WDR19: variants seen among roughly 807,000 people sequenced by gnomAD.
WDR19 encodes the protein WD repeat domain 19, also known as WD repeat-containing protein 19.
A neutral mutation model predicts 180.0 loss-of-function variants in WDR19; 121 were observed. The ratio of observed to expected loss-of-function variants is 0.67; its 90% confidence interval spans 0.58 to 0.78. The LOEUF (loss-of-function observed/expected upper bound fraction) is 0.78, where lower values mean the gene tolerates loss of function less well. Among genes scored for constraint, WDR19 ranks in the 30% least tolerant of loss-of-function variants. The pLI is 0.00. For missense variants in WDR19, 1,450 were observed against 1,640.7 expected (o/e 0.88, Z 2.01); for synonymous variants, 497 against 540.7 (o/e 0.92, Z 1.12).
intron 15 of WDR19, 91 bp downstream of exon 15, chr4:39,225,124 T>C (rs1335140828): frequency 2.0e-6 from 2 of 1,011,766 alleles, no homozygotes; most frequent in African/African-American, 1.7e-5. Flanking sequence ...AAATTTTCTA[T>C]TAATTAGTGC....
At chr4:39,279,800 C>G (rs908664810) in intron 36 of WDR19, among the ~76,000 whole-genome samples, 2 of 149,720 alleles carry the variant, frequency 1.3e-5, no homozygotes, top group Non-Finnish European at 3.0e-5. Flanking sequence ...CTCCCAGATT[C>G]TAGTGATTCT....
In WDR19 at chr4:39,196,467, C is replaced by G. The variant is rs145466307; in HGVS notation, c.406+1808C>G. On this transcript the variant is annotated intron_variant, in intron 5 of 36. Coordinates refer to ENST00000399820, the MANE Select transcript of WDR19 (RefSeq NM_025132.4). ...GGCCAATGTTTAGGGCCATCCTTGACTCTTTTCTTTCTCATACTCTCCATA... is the reference window on the plus strand; with the variant it reads ...GGCCAATGTTTAGGGCCATCCTTGAGTCTTTTCTTTCTCATACTCTCCATA... Among the ~76,000 whole-genome samples the G allele has an allele frequency of 2.6e-5, 4 of 152,318 alleles. No individual in the cohort carries two copies. The East Asian group carries it at 7.7e-4, about 29-fold the overall frequency.
intron 30 of WDR19, among the ~76,000 whole-genome samples, chr4:39,269,162 G>A (rs1021328532): frequency 3.0e-4 from 46 of 152,202 alleles, no homozygotes; most frequent in African/African-American, 7.9e-4. Flanking sequence ...AGAAAGGAGC[G>A]CAGAGGCCGA....
intron 21 of WDR19, 41 bp downstream of exon 21, chr4:39,240,375 G>T: frequency 8.1e-7 from 1 of 1,240,562 alleles, no homozygotes; most frequent in Non-Finnish European, 1.1e-6. Flanking sequence ...ATTATGTCTG[G>T]GTTTGTTTTC....
intron 3 of WDR19, among the ~76,000 whole-genome samples, chr4:39,189,026 G>T (rs1049886044): frequency 6.6e-6 from 1 of 151,920 alleles, no homozygotes; most frequent in African/African-American, 2.4e-5. Context: ...AGGTTCAAGC[G>T]ATTCTCCTGC....
chr4:39,200,764 CCA>C (rs1310018786), intron 6 of WDR19, among the ~76,000 whole-genome samples: 2 of 152,122 alleles, frequency 1.3e-5, no homozygotes, highest in Non-Finnish European at 2.9e-5. Flanking sequence ...GGGATGGGGA[CCA>C]CACAGGCATA....
chr4:39,280,153 G>A (rs1301728905), intron 36 of WDR19, among the ~76,000 whole-genome samples: 1 of 91,416 alleles, frequency 1.1e-5, no homozygotes, highest in African/African-American at 3.2e-5. Flanking sequence ...ATAGAGGCAG[G>A]GTCTCGCCAC....
At chr4:39,271,394 T>A (rs1164090861) in intron 31 of WDR19, among the ~76,000 whole-genome samples, 1 of 152,218 alleles carries the variant, frequency 6.6e-6, no homozygotes, top group African/African-American at 2.4e-5. Context: ...AAACATCAAG[T>A]ACTTGTATGT....
chr4:39,276,771 G>A (rs1735940560), intron 33 of WDR19, among the ~76,000 whole-genome samples: 1 of 152,184 alleles, frequency 6.6e-6, no homozygotes, highest in Non-Finnish European at 1.5e-5. Flanking sequence ...GCCGTTGAAT[G>A]TGCTATGAAC....
At chr4:39,208,836 G>T (rs1728213840) in intron 9 of WDR19, among the ~76,000 whole-genome samples, 1 of 152,110 alleles carries the variant, frequency 6.6e-6, no homozygotes. Flanking sequence ...GATGTGTATA[G>T]GTTATATGCA....
intron 2 of WDR19, among the ~76,000 whole-genome samples, 152 bp downstream of exon 2, chr4:39,185,969 T>A (rs1725489358): frequency 6.6e-6 from 1 of 151,866 alleles, no homozygotes; most frequent in Admixed American, 6.6e-5. Context: ...GATCTCAGCT[T>A]GCTGCAACCT....
At chr4:39,245,306 A>T in intron 23 of WDR19, 63 bp from the exon 24 acceptor site, 1 of 1,324,832 alleles carries the variant, frequency 7.5e-7, no homozygotes, top group Non-Finnish European at 1.0e-6. Flanking sequence ...ACATTTGGTT[A>T]TAGCAGGCTA....
chr4:39,271,071 A>G (rs917825632), intron 31 of WDR19, among the ~76,000 whole-genome samples: 1 of 151,682 alleles, frequency 6.6e-6, no homozygotes, highest in African/African-American at 2.4e-5. Flanking sequence ...ATTTTTTTGT[A>G]TTTTTAATAG....
chr4:39,228,964 G>T (rs1000127984), intron 17 of WDR19, among the ~76,000 whole-genome samples: 1 of 152,012 alleles, frequency 6.6e-6, no homozygotes, highest in African/African-American at 2.4e-5. Context: ...TCACCATCCC[G>T]CCTTTTGGAG....
At chr4:39,281,262 G>GAGAGAGAGAGAA (rs1736510597) in intron 36 of WDR19, among the ~76,000 whole-genome samples, 1 of 147,316 alleles carries the variant, frequency 6.8e-6, no homozygotes, top group African/African-American at 2.6e-5. Context: ...GAGAGAGAGA[G>GAGAGAGAGAGAA]AAAGCCTACT....
chr4:39,257,422 A>C (rs1034899082), intron 27 of WDR19, 64 bp from the exon 28 acceptor site: 2 of 1,440,020 alleles, frequency 1.4e-6, no homozygotes, highest in East Asian at 4.9e-5. Flanking sequence ...GCTGTGTGAA[A>C]GCTTTGTTTT....
rs754871795 is a variant in WDR19 at position 39,267,480 on chromosome 4, G to A, written c.3262-515G>A. Among the ~76,000 whole-genome samples, 8 of 152,322 alleles carry A rather than the reference G, an allele frequency of 5.3e-5. No homozygotes were observed. The South Asian group carries it at 6.2e-4, about 12-fold the overall frequency. On this transcript the variant is annotated intron_variant, in intron 29 of 36. Coordinates refer to ENST00000399820, the MANE Select transcript of WDR19 (RefSeq NM_025132.4). ...ATTTGAAAACCAGCGTCAGATGCTC[G>A]CAGCTGTCTAGAGTTGGAATAGGAA...
chr4:39,222,448 T>C (rs887728914), intron 14 of WDR19, among the ~76,000 whole-genome samples: 3 of 152,214 alleles, frequency 2.0e-5, no homozygotes, highest in African/African-American at 7.2e-5. Flanking sequence ...TATTTTTTCA[T>C]GGATCATGCT....
In WDR19 at chr4:39,217,155, T is replaced by C. The variant is rs757388299; in HGVS notation, c.1271T>C (p.Met424Thr). The change falls in exon 13 of 37, where the codon ATG becomes ACG. Residue 424 changes from methionine (M) to threonine (T), a missense_variant. Transcript: ENST00000399820. ...ACAGCTGTGAAAAAATTGAAAGATA[T>C]GGAGTATCTGGGAACAGTAGCCAGT... The part of the protein sequence containing the change: ...GENAVKKLKD[M>T]EYLGTVASIC... 4.4e-6 allele frequency: 7 copies of C among 1,607,240 alleles called. No homozygotes were observed. The South Asian group carries it at 5.6e-5, about 13-fold the overall frequency.
Sources: allele counts gnomAD v4.1 joint callset (sites outside exome capture counted in the v4.1 genomes callset), GRCh38; gene constraint gnomAD v4.1.1; transcripts MANE v1.5; gene names NCBI Gene and HGNC (gene_info 2026-07-23, HGNC 2026-07-21).